Variants in PTPRT observed in about 807,000 individuals in gnomAD.
PTPRT encodes the protein receptor-type tyrosine-protein phosphatase T.
A neutral mutation model predicts 176.8 loss-of-function variants in PTPRT; 56 were observed. The ratio of observed to expected loss-of-function variants is 0.32; its 90% CI spans 0.26 to 0.40. PTPRT has a LOEUF of 0.40. Among genes scored for constraint, PTPRT ranks in the 10% least tolerant of loss-of-function variants. The pLI, the probability that PTPRT is intolerant of heterozygous loss-of-function variation, is 1.00. For missense variants in PTPRT, 1,540 were observed against 1,908.2 expected, an observed-to-expected ratio of 0.81 and a Z score of 3.60; for synonymous variants, 783 against 739.0, an observed-to-expected ratio of 1.06 and a Z score of -0.96.
At chr20:42,695,453 T>C (rs2075860289) in intron 6 of PTPRT, among the ~76,000 whole-genome samples, 2 of 152,212 alleles carry the variant, frequency 1.3e-5, no homozygotes, top group African/African-American at 4.8e-5. Context: ...CTGAAAAATA[T>C]GTCTGGATTG....
chr20:43,057,602 A>C (rs1231186044), intron 1 of PTPRT, among the ~76,000 whole-genome samples: 1 of 152,244 alleles, frequency 6.6e-6, no homozygotes, highest in African/African-American at 2.4e-5. Context: ...ATTATGTAAA[A>C]TATTACCTTT....
chr20:42,633,958 ATAT>A (rs1332947302), intron 7 of PTPRT, among the ~76,000 whole-genome samples: 2 of 28,494 alleles, frequency 7.0e-5, no homozygotes, highest in Non-Finnish European at 1.1e-4. Context: ...ATATAATTAT[ATAT>A]AATATATTAT....
chr20:42,943,604 C>G (rs1300459877), intron 1 of PTPRT, among the ~76,000 whole-genome samples: 1 of 152,178 alleles, frequency 6.6e-6, no homozygotes, highest in Non-Finnish European at 1.5e-5. Flanking sequence ...CAGCCTCCAA[C>G]TCAGCCTGAA....
At chr20:42,682,458 G>A (rs1181043717) in intron 6 of PTPRT, among the ~76,000 whole-genome samples, 2 of 152,152 alleles carry the variant, frequency 1.3e-5, no homozygotes, top group Non-Finnish European at 2.9e-5. Context: ...AGGTTGTTCA[G>A]GCACACACCA....
In PTPRT at chr20:42,145,497, CATAGATAG is replaced by C. The variant is rs59838948; in HGVS notation, c.2683-3503_2683-3496del. ...CCTGGGTGACAGTGAGACTTTGTCTCATAGATAGATAGATAGATAGATAGATAGATAGA... is the reference window on the plus strand; with the variant it reads ...CCTGGGTGACAGTGAGACTTTGTCTCATAGATAGATAGATAGATAGATAGA... On this transcript the variant is annotated intron_variant, in intron 17 of 30. Coordinates refer to ENST00000373187, the MANE Select transcript of PTPRT (RefSeq NM_007050.6). Among the ~76,000 whole-genome samples, 1,057 of 144,552 alleles carry C rather than the reference CATAGATAG, an allele frequency of 7.3e-3. 11 individuals are homozygous for C. The highest frequency in any genetic ancestry group is 0.011 in the African/African-American group (420 of 38,680). The allele number at this position is 144,552 out of a possible 152,430, so 94.8% of individuals were successfully genotyped here.
chr20:42,225,739 G>A (rs778359648), intron 15 of PTPRT, among the ~76,000 whole-genome samples: 1 of 152,126 alleles, frequency 6.6e-6, no homozygotes, highest in South Asian at 2.1e-4. Flanking sequence ...TACAAACCCC[G>A]CCTCCCGGCT....
At chr20:42,937,673 T>C (rs1980276392) in intron 1 of PTPRT, among the ~76,000 whole-genome samples, 2 of 152,210 alleles carry the variant, frequency 1.3e-5, no homozygotes, top group African/African-American at 4.8e-5. Flanking sequence ...CAATCTTCAT[T>C]TGACACTGAT....
chr20:42,233,816 A>C (rs755201797), intron 15 of PTPRT, among the ~76,000 whole-genome samples: 1 of 152,178 alleles, frequency 6.6e-6, no homozygotes, highest in Non-Finnish European at 1.5e-5. Context: ...TCTGCATCCC[A>C]CTGCTGGTAT....
intron 8 of PTPRT, among the ~76,000 whole-genome samples, chr20:42,458,066 A>T (rs2070954408): frequency 6.6e-6 from 1 of 152,074 alleles, no homozygotes; most frequent in Non-Finnish European, 1.5e-5. Flanking sequence ...TTCTCCTCCA[A>T]TTCCCTAAGG....
intron 6 of PTPRT, among the ~76,000 whole-genome samples, chr20:42,691,713 T>C (rs2075796707): frequency 6.6e-6 from 1 of 152,100 alleles, no homozygotes; most frequent in East Asian, 1.9e-4. Flanking sequence ...CACTGCTCTT[T>C]GGGAAAGGAC....
chr20:42,435,033 A>G (rs1601019450), intron 9 of PTPRT, among the ~76,000 whole-genome samples: 2 of 152,134 alleles, frequency 1.3e-5, no homozygotes, highest in East Asian at 1.9e-4. Flanking sequence ...AGAAAAGAAA[A>G]CAAAAAGAAA....
chr20:42,945,527 G>A (rs1288931400), intron 1 of PTPRT, among the ~76,000 whole-genome samples: 4 of 152,160 alleles, frequency 2.6e-5, no homozygotes, highest in South Asian at 2.1e-4. Flanking sequence ...AAACCCCAGC[G>A]GATGCTCCCT....
intron 1 of PTPRT, among the ~76,000 whole-genome samples, chr20:43,047,069 T>C (rs1028822317): frequency 1.4e-5 from 2 of 148,056 alleles, no homozygotes; most frequent in Non-Finnish European, 3.0e-5. Flanking sequence ...CCGCCCTCCC[T>C]TCCCCTCCCT....
intron 1 of PTPRT, among the ~76,000 whole-genome samples, chr20:42,899,144 C>G (rs1487074014): frequency 2.0e-5 from 3 of 152,272 alleles, no homozygotes; most frequent in Admixed American, 1.3e-4. Flanking sequence ...GCCCAGAGCT[C>G]TGCCCACTCA....
chr20:43,149,460 G>A (rs1359738835), intron 1 of PTPRT, among the ~76,000 whole-genome samples: 1 of 152,210 alleles, frequency 6.6e-6, no homozygotes, highest in Non-Finnish European at 1.5e-5. Context: ...GGAGGTATTT[G>A]AGAAGGCCTG....
At chr20:42,961,562 G>A (rs548501601) in intron 1 of PTPRT, among the ~76,000 whole-genome samples, 2 of 152,328 alleles carry the variant, frequency 1.3e-5, no homozygotes, top group South Asian at 2.1e-4. Context: ...TCACAGAAAT[G>A]AGCAAAGATG....
intron 9 of PTPRT, among the ~76,000 whole-genome samples, chr20:42,386,779 G>A (rs533676223): frequency 1.2e-3 from 188 of 152,272 alleles, no homozygotes; most frequent in Non-Finnish European, 2.0e-3. Context: ...AGAATTGCTT[G>A]AACCCAGGAG....
intron 7 of PTPRT, among the ~76,000 whole-genome samples, chr20:42,492,454 T>A (rs1176409736): frequency 2.0e-5 from 3 of 151,936 alleles, no homozygotes; most frequent in African/African-American, 7.3e-5. Context: ...TGTTAAACAT[T>A]TTCTTCATGT....
chr20:42,937,330 G>A, intron 1 of PTPRT, among the ~76,000 whole-genome samples: 1 of 152,134 alleles, frequency 6.6e-6, no homozygotes, highest in East Asian at 1.9e-4. Context: ...CTTGGCAGTA[G>A]GCTGTGGTCA....
Sources: gnomAD v4.1 joint callset for allele counts (sites outside exome capture counted in the v4.1 genomes callset) on GRCh38, gnomAD v4.1.1 for gene constraint, MANE v1.5 for transcripts, NCBI Gene and HGNC (gene_info 2026-07-23, HGNC 2026-07-21) for gene names.